PCDHA4: variants seen among roughly 807,000 people sequenced by gnomAD.
PCDHA4 encodes protocadherin alpha 4, also known as protocadherin alpha-4.
PCDHA4 carries 49 observed loss-of-function variants against 61.4 expected under a neutral mutation model. The observed-to-expected ratio is 0.80, with a 90% CI of 0.63 to 1.01. The LOEUF is 1.01. PCDHA4 is among the 50% of genes least tolerant of loss of function. The probability of loss-of-function intolerance (pLI) is 0.00; values close to 1 mark genes in which losing one functional copy is unlikely to be tolerated. For synonymous variants in PCDHA4, 590 were observed against 550.3 expected (o/e 1.07, Z -1.01); for missense variants, 1,254 against 1,235.8 (o/e 1.01, Z -0.22).
chr5:140,869,835 A>G (rs782478328), intron 1 of PCDHA4: 160 of 1,611,656 alleles, frequency 9.9e-5, no homozygotes, highest in Non-Finnish European at 1.3e-4. Context: ...AGTTTGATAA[A>G]TCAGAATATA....
chr5:140,960,395 AG>A (rs562972971), intron 1 of PCDHA4, among the ~76,000 whole-genome samples: 1 of 152,150 alleles, frequency 6.6e-6, no homozygotes, highest in African/African-American at 2.4e-5. Context: ...TTAGGATGCA[AG>A]GGGGGGTGCC....
intron 3 of PCDHA4, among the ~76,000 whole-genome samples, chr5:140,999,218 C>T (rs1410560466): frequency 6.6e-6 from 1 of 152,180 alleles, no homozygotes; most frequent in Non-Finnish European, 1.5e-5. Context: ...GGAAGTACTA[C>T]ATTTGAGAAT....
intron 1 of PCDHA4, chr5:140,967,880 A>G (rs782459653): frequency 4.3e-6 from 7 of 1,614,060 alleles, no homozygotes; most frequent in Non-Finnish European, 2.5e-6. Context: ...GGACCTGTAT[A>G]GCCCAGTGCC....
At chr5:140,870,164 T>A in intron 1 of PCDHA4, 1 of 1,614,174 alleles carries the variant, frequency 6.2e-7, no homozygotes, top group African/African-American at 1.3e-5. Context: ...GTGACTTCCT[T>A]GTCCCTCCCA....
chr5:140,955,889 G>A (rs246016), intron 1 of PCDHA4, among the ~76,000 whole-genome samples: 85,633 of 151,918 alleles, frequency 0.56, 24,754 homozygotes, highest in African/African-American at 0.69. Flanking sequence ...ATTCCTAGGT[G>A]TTTTATTCTC....
intron 1 of PCDHA4, among the ~76,000 whole-genome samples, chr5:140,949,990 C>T (rs2094438709): frequency 6.6e-6 from 1 of 151,832 alleles, no homozygotes; most frequent in Non-Finnish European, 1.5e-5. Context: ...TAACTTTTCT[C>T]AGTCCACTTA....
At chr5:140,841,739 CTGTT>C (rs1562391277) in intron 1 of PCDHA4, 12 of 1,613,762 alleles carry the variant, frequency 7.4e-6, no homozygotes, top group Middle Eastern at 3.3e-4. Context: ...AGACCAAAAG[CTGTT>C]TGTTTCAGAA....
At chr5:140,841,029 T>C (rs1554137976) in intron 1 of PCDHA4, among the ~76,000 whole-genome samples, 2 of 152,050 alleles carry the variant, frequency 1.3e-5, no homozygotes, top group African/African-American at 2.4e-5. Context: ...GCCTCTGCAA[T>C]TGATAAAGTT....
chr5:140,911,134 C>T (rs2075341856), intron 1 of PCDHA4, among the ~76,000 whole-genome samples: 1 of 152,108 alleles, frequency 6.6e-6, no homozygotes. Context: ...TCAGGCAGTG[C>T]AGGGTTTTTC....
At chr5:140,841,792 G>A in intron 1 of PCDHA4, 1 of 1,613,916 alleles carries the variant, frequency 6.2e-7, no homozygotes, top group Non-Finnish European at 8.5e-7. Flanking sequence ...TAGAGGGCGC[G>A]TCCGATGCAG....
chr5:140,823,509 G>A (rs1350643450), intron 1 of PCDHA4: 1 of 1,613,414 alleles, frequency 6.2e-7, no homozygotes, highest in Non-Finnish European at 8.5e-7. Flanking sequence ...CAGTGAGCGA[G>A]CTGGTGCCGA....
At chr5:140,869,218 G>A in intron 1 of PCDHA4, 1 of 1,613,824 alleles carries the variant, frequency 6.2e-7, no homozygotes, top group Non-Finnish European at 8.5e-7. Context: ...CTCGGAGGAG[G>A]CCAAACACGG....
In PCDHA4 at chr5:140,807,479, C is replaced by A; in HGVS notation, c.292C>A (p.Arg98=). ...GATCGACCGGGAGGAGCTGTGCCGGCGGAGCGCGGAGTGCAGCATCCACCT... is the reference window on the plus strand; with the variant it reads ...GATCGACCGGGAGGAGCTGTGCCGGAGGAGCGCGGAGTGCAGCATCCACCT... The part of the protein sequence containing the change: ...SRIDREELCR[R]SAECSIHLEV... The change falls in exon 1 of 4, where the codon CGG becomes AGG. Residue 98 remains arginine (R), a synonymous_variant. Coordinates refer to ENST00000530339, the MANE Select transcript of PCDHA4 (RefSeq NM_018907.4). The A allele has an allele frequency of 1.2e-6, 2 of 1,613,112 alleles. No individual in the cohort carries two copies. The highest frequency in any genetic ancestry group is 1.7e-6 in the Non-Finnish European group (2 of 1,179,766).
In PCDHA4 at chr5:140,964,303, C is replaced by T. The variant is rs947126454; in HGVS notation, c.2386-14646C>T. Among the ~76,000 whole-genome samples the T allele has an allele frequency of 9.2e-5, 14 of 152,208 alleles. 1 individual carries two copies. Among genetic ancestry groups the T allele is most frequent in the Non-Finnish European group, 2.9e-5 (2 of 68,038 alleles). On this transcript the variant is annotated intron_variant, in intron 1 of 3. Coordinates refer to ENST00000530339, the MANE Select transcript of PCDHA4 (RefSeq NM_018907.4). ...AATTCTAGCTGGAGCTAAATACCTA[C>T]AAGGCCTAAAACAGCATAATGGACA... is the stretch of plus-strand genomic sequence containing the variant.
chr5:140,882,580 C>G (rs371338305), intron 1 of PCDHA4: 3 of 1,614,244 alleles, frequency 1.9e-6, no homozygotes, highest in East Asian at 4.5e-5. Flanking sequence ...AGTGCAGCAT[C>G]CACCTGGAGG....
rs558285081 is a variant in PCDHA4, at chr5:140,807,778, G to T, written c.591G>T (p.Arg197=). The change falls in exon 1 of 4, where the codon CGG becomes CGT. Residue 197 remains arginine (R), a synonymous_variant. Coordinates refer to ENST00000530339, the MANE Select transcript of PCDHA4 (RefSeq NM_018907.4). The stretch of plus-strand genomic sequence containing the variant: ...TAAAAGGTCTTGGGCTTATATTACG[G>T]AAATCTTTAGACAGAGAAGAAGCTC... ...ELVKGLGLIL[R]KSLDREEAPE... is the part of the protein sequence containing the mutation. 3.1e-6 allele frequency: 5 copies of T among 1,614,134 alleles called. No homozygotes were observed. In the African/African-American group the frequency reaches 6.7e-5, roughly 22 times the overall value.
At chr5:140,980,196 A>T (rs1404667828) in intron 2 of PCDHA4, among the ~76,000 whole-genome samples, 1 of 152,214 alleles carries the variant, frequency 6.6e-6, no homozygotes, top group Non-Finnish European at 1.5e-5. Flanking sequence ...TTTATTAGAG[A>T]CCAACTTGTG....
intron 1 of PCDHA4, among the ~76,000 whole-genome samples, chr5:140,923,269 T>C (rs1554201320): frequency 6.6e-6 from 1 of 152,218 alleles, no homozygotes; most frequent in Non-Finnish European, 1.5e-5. Flanking sequence ...TGAGACCTTG[T>C]CTCTACAAAA....
At chr5:140,830,269 A>G (rs2150183853) in intron 1 of PCDHA4, 5 of 1,613,514 alleles carry the variant, frequency 3.1e-6, no homozygotes, top group Admixed American at 1.7e-5. Flanking sequence ...GCTCGGCGCC[A>G]CCCACCGAGG....
Sources: allele counts gnomAD v4.1 joint callset (sites outside exome capture counted in the v4.1 genomes callset), GRCh38; gene constraint gnomAD v4.1.1; transcripts MANE v1.5; gene names NCBI Gene and HGNC (gene_info 2026-07-23, HGNC 2026-07-21).